PLA2G4E: variants seen among roughly 807,000 people sequenced by gnomAD.
PLA2G4E encodes phospholipase A2 group IVE, also known as cytosolic phospholipase A2 epsilon.
In PLA2G4E, 84 loss-of-function variants were observed where a neutral mutation model predicts 109.1. That is an observed-to-expected ratio of 0.77 (90% CI 0.65 to 0.92). The LOEUF is 0.92. Ranked by LOEUF, PLA2G4E falls within the 40% of genes least tolerant of loss-of-function variation. The pLI is 0.00. For synonymous variants in PLA2G4E, 469 were observed against 436.1 expected (o/e 1.08, Z -0.94); for missense variants, 1,057 against 1,076.6 (o/e 0.98, Z 0.25).
intron 2 of PLA2G4E, chr15:42,010,258 A>T: frequency 2.4e-6 from 1 of 425,506 alleles, no homozygotes; most frequent in Non-Finnish European, 4.9e-6. Flanking sequence ...GATTTGATGG[A>T]CCCTGTAAGA....
rs567669460 is a variant in PLA2G4E, at chr15:41,995,548, G to C, written c.1111-52C>G. Reference sequence around the variant, plus strand: ...GGGGAAGGCTCCAGAAGCAAAGCTTGGGAGAAGACTTAGAATGACGGCAAC... The same window carrying C: ...GGGGAAGGCTCCAGAAGCAAAGCTTCGGAGAAGACTTAGAATGACGGCAAC... On this transcript the variant is annotated intron_variant, in intron 11 of 19. Coordinates refer to ENST00000399518, the Ensembl canonical transcript of PLA2G4E. 16 of 1,600,898 alleles carry C rather than the reference G, an allele frequency of 1.0e-5. No homozygotes were observed. In the African/African-American group the frequency reaches 2.1e-4, roughly 21 times the overall value.
intron 1 of PLA2G4E, among the ~76,000 whole-genome samples, chr15:42,044,170 T>A (rs1260661053): frequency 6.6e-6 from 1 of 152,128 alleles, no homozygotes; most frequent in Non-Finnish European, 1.5e-5. Flanking sequence ...AGAAAATAAT[T>A]TCTAACCATC....
At chr15:42,035,718 A>C (rs1889201319) in intron 1 of PLA2G4E, among the ~76,000 whole-genome samples, 1 of 152,186 alleles carries the variant, frequency 6.6e-6, no homozygotes, top group Non-Finnish European at 1.5e-5. Context: ...GGTAAGGAGC[A>C]CCCTGGGGCC....
chr15:42,049,776 C>T (rs1387871734), intron 1 of PLA2G4E, among the ~76,000 whole-genome samples: 1 of 152,192 alleles, frequency 6.6e-6, no homozygotes, highest in East Asian at 1.9e-4. Context: ...GGTGCCACCG[C>T]TAAGACCATA....
intron 1 of PLA2G4E, among the ~76,000 whole-genome samples, chr15:42,046,508 A>G (rs1156895425): frequency 6.6e-6 from 1 of 152,152 alleles, no homozygotes; most frequent in Admixed American, 6.5e-5. Flanking sequence ...TCTTCTCATC[A>G]TTCGGATCTT....
At chr15:41,987,838 C>A (rs939521666) in intron 16 of PLA2G4E, among the ~76,000 whole-genome samples, 5 of 152,124 alleles carry the variant, frequency 3.3e-5, no homozygotes, top group Non-Finnish European at 7.4e-5. Context: ...GCCTCATCCT[C>A]GGTTTGTGGT....
At chr15:42,003,675 T>C (rs1395033454) in intron 5 of PLA2G4E, among the ~76,000 whole-genome samples, 1 of 152,226 alleles carries the variant, frequency 6.6e-6, no homozygotes, top group East Asian at 1.9e-4. Flanking sequence ...GAAGATCCCC[T>C]AGGCAGAGGA....
intron 10 of PLA2G4E, chr15:41,998,870 C>T (rs113135214): frequency 0.045 from 6,813 of 152,210 alleles, 232 homozygotes; most frequent in South Asian, 0.15. Flanking sequence ...CTGGCCAATA[C>T]GGTGAAACCC....
chr15:42,047,622 T>C (rs72727723), intron 1 of PLA2G4E, among the ~76,000 whole-genome samples: 13,978 of 152,216 alleles, frequency 0.092, 684 homozygotes, highest in South Asian at 0.19. Flanking sequence ...CCCCCAAATC[T>C]GCCACGTAAG....
intron 1 of PLA2G4E, among the ~76,000 whole-genome samples, chr15:42,027,966 C>CT (rs1325797865): frequency 6.7e-6 from 1 of 149,254 alleles, no homozygotes; most frequent in Non-Finnish European, 1.5e-5. Flanking sequence ...TTCTTTTTGC[C>CT]TTTTTCCACC....
chr15:41,990,958 A>G (rs1350583981), intron 13 of PLA2G4E, among the ~76,000 whole-genome samples: 1 of 151,798 alleles, frequency 6.6e-6, no homozygotes, highest in East Asian at 1.9e-4. Context: ...TGGGTGACCA[A>G]CCCTGGTCAC....
rs1168452228 is a variant in PLA2G4E at position 42,016,241 on chromosome 15, C to CTTT, written c.184-2487_184-2485dup. Among the ~76,000 whole-genome samples the CTTT allele has an allele frequency of 4.5e-3, 468 of 104,644 alleles. 5 individuals carry two copies. The highest frequency in any genetic ancestry group is 5.6e-3 in the South Asian group (18 of 3,212). The allele number at this position is 104,644 out of a possible 152,430, so 68.7% of individuals were successfully genotyped here. A position where few individuals can be genotyped will look rare whatever the true frequency, so the allele number is the denominator to read the frequency against. The stretch of plus-strand genomic sequence containing the variant: ...CTCAGAGACCATCTTTTTATCTTTA[C>CTTT]TTTTTTTTTTTTTTTTTTTTTTGAG... On this transcript the variant is annotated intron_variant, in intron 1 of 19. Coordinates refer to ENST00000399518, the Ensembl canonical transcript of PLA2G4E.
At chr15:41,987,035 A>G in intron 17 of PLA2G4E, 137 bp downstream of exon 17, 2 of 888,516 alleles carry the variant, frequency 2.3e-6, no homozygotes, top group South Asian at 1.7e-5. Context: ...TGTGGAAAAC[A>G]CCATGGGGAG....
At position 41,987,188 on chromosome 15, in the gene PLA2G4E, C is replaced by CTG; in HGVS notation, c.2017_2018dup (p.Gln673HisfsTer11). ...TAGGGTTACCTTTCCACCTAGAGAA[C>CTG]TGGCCATTCTGGAGGTAGTTGGTGT... On this transcript the variant is annotated frameshift_variant, in exon 17 of 20. Transcript: ENST00000399518. LOFTEE classifies it high-confidence loss of function. 2.5e-6 allele frequency: 4 copies of CTG among 1,613,918 alleles called. No homozygotes were observed. Among genetic ancestry groups the CTG allele is most frequent in the Non-Finnish European group, 3.4e-6 (4 of 1,179,780 alleles).
rs1461232256 is a variant in PLA2G4E, at chr15:41,983,974, C to T, written c.2387G>A (p.Gly796Asp). 1.9e-6 allele frequency: 3 copies of T among 1,603,236 alleles called. No individual in the cohort carries two copies. The Admixed American group carries it at 5.1e-5, about 27-fold the overall frequency. ...CAGCTCCTCAGGGCTTCGCTCTACA[C>T]CTGTGGGCAGCAGGATGACTTGTTA... Residue 796 changes from glycine to aspartate, a missense_variant and splice_region_variant, in exon 20 of 20, where the codon GGT becomes GAT. Coordinates refer to ENST00000399518, the Ensembl canonical transcript of PLA2G4E.
intron 1 of PLA2G4E, among the ~76,000 whole-genome samples, chr15:42,026,356 C>T (rs2068693041): frequency 6.6e-6 from 1 of 152,128 alleles, no homozygotes; most frequent in Non-Finnish European, 1.5e-5. Context: ...GCAAAAGTGA[C>T]TTACTATATA....
At chr15:42,049,206 G>A (rs905115411) in intron 1 of PLA2G4E, among the ~76,000 whole-genome samples, 20 of 152,174 alleles carry the variant, frequency 1.3e-4, no homozygotes, top group African/African-American at 4.8e-4. Context: ...AAACCCTGGG[G>A]CGGGGCTCTT....
chr15:42,048,302 G>A (rs547748532), intron 1 of PLA2G4E, among the ~76,000 whole-genome samples: 2 of 152,300 alleles, frequency 1.3e-5, no homozygotes, highest in African/African-American at 2.4e-5. Context: ...GCAAAATGAT[G>A]AAATTGCCTA....
intron 1 of PLA2G4E, among the ~76,000 whole-genome samples, chr15:42,034,349 G>T (rs1414215601): frequency 6.6e-6 from 1 of 152,240 alleles, no homozygotes; most frequent in African/African-American, 2.4e-5. Flanking sequence ...TTATTTTGGA[G>T]AATATGAAGA....
Sources: allele counts gnomAD v4.1 joint callset (sites outside exome capture counted in the v4.1 genomes callset), GRCh38; gene constraint gnomAD v4.1.1; transcripts MANE v1.5; gene names NCBI Gene and HGNC (gene_info 2026-07-23, HGNC 2026-07-21).